C7orf78: variants seen among roughly 807,000 people sequenced by gnomAD.
The protein encoded by C7orf78 is chromosome 7 open reading frame 78.
chr7:12,511,145 G>A, the C7orf78 span, among the ~76,000 whole-genome samples: 1 of 151,792 alleles, frequency 6.6e-6, no homozygotes, highest in African/African-American at 2.4e-5. Flanking sequence ...GAGGGTTTTT[G>A]TTCCCCAATG....
At chr7:12,524,434 G>A in the C7orf78 span, among the ~76,000 whole-genome samples, 3 of 152,176 alleles carry the variant, frequency 2.0e-5, no homozygotes, top group East Asian at 5.8e-4. Flanking sequence ...AATAATATAT[G>A]TTACCTTTTA....
At chr7:12,507,055 C>T in the C7orf78 span, 1 of 389,608 alleles carries the variant, frequency 2.6e-6, no homozygotes, top group African/African-American at 2.1e-5. Context: ...AATCCCAGCA[C>T]TTTGGGAGGC....
the C7orf78 span, among the ~76,000 whole-genome samples, chr7:12,522,552 T>C: frequency 2.6e-5 from 4 of 152,176 alleles, no homozygotes; most frequent in Non-Finnish European, 4.4e-5. Context: ...CTGGAATGTT[T>C]CTACTTACCT....
the C7orf78 span, among the ~76,000 whole-genome samples, chr7:12,494,829 G>A: frequency 1.3e-5 from 2 of 152,162 alleles, no homozygotes; most frequent in East Asian, 1.9e-4. Context: ...TGGTAAGGCT[G>A]CTTTCAAACT....
the C7orf78 span, among the ~76,000 whole-genome samples, chr7:12,504,864 CA>C: frequency 6.6e-6 from 1 of 152,038 alleles, no homozygotes; most frequent in African/African-American, 2.4e-5. Context: ...GATTATATTA[CA>C]TTTTTTTATA....
the C7orf78 span, among the ~76,000 whole-genome samples, chr7:12,500,640 C>G: frequency 1.3e-5 from 2 of 152,002 alleles, no homozygotes; most frequent in Admixed American, 6.6e-5. Flanking sequence ...CAGCCGAATT[C>G]TACCAGAGGT....
chr7:12,520,448 T>G, the C7orf78 span, among the ~76,000 whole-genome samples: 3 of 152,210 alleles, frequency 2.0e-5, no homozygotes, highest in Non-Finnish European at 4.4e-5. Context: ...CCATTTTCAT[T>G]TGTTTCAATA....
At chr7:12,511,751 T>C in the C7orf78 span, among the ~76,000 whole-genome samples, 343 of 151,490 alleles carry the variant, frequency 2.3e-3, no homozygotes, top group Admixed American at 4.4e-3. Flanking sequence ...TGGGTTTTTG[T>C]TTTTTGTTTT....
the C7orf78 span, chr7:12,486,893 T>C: frequency 6.6e-6 from 1 of 151,948 alleles, no homozygotes; most frequent in Non-Finnish European, 1.5e-5. Flanking sequence ...TAAATTATTG[T>C]CAAATCAAAA....
chr7:12,527,844 G>A, the C7orf78 span, among the ~76,000 whole-genome samples: 3 of 146,850 alleles, frequency 2.0e-5, no homozygotes, highest in Admixed American at 6.8e-5. Flanking sequence ...ACTCACTTTG[G>A]TAGAAAATGC....
the C7orf78 span, among the ~76,000 whole-genome samples, chr7:12,536,992 T>G: frequency 6.6e-6 from 1 of 152,176 alleles, no homozygotes; most frequent in Non-Finnish European, 1.5e-5. Context: ...TTTGCACATT[T>G]TCCTCTCTTC....
the C7orf78 span, among the ~76,000 whole-genome samples, chr7:12,533,324 C>T: frequency 6.6e-6 from 1 of 151,970 alleles, no homozygotes; most frequent in African/African-American, 2.4e-5. Context: ...CCTCAGCCTC[C>T]TGAGTAGCTG....
At chr7:12,519,464 C>T in the C7orf78 span, among the ~76,000 whole-genome samples, 1 of 152,180 alleles carries the variant, frequency 6.6e-6, no homozygotes, top group African/African-American at 2.4e-5. Flanking sequence ...GTCACTCCTT[C>T]CAGCTCCAGT....
At chr7:12,523,438 C>T in the C7orf78 span, 1 of 397,826 alleles carries the variant, frequency 2.5e-6, no homozygotes, top group African/African-American at 2.1e-5. Context: ...TAAAAAAGAG[C>T]ATTTGAATAA....
chr7:12,484,133 C>T, the C7orf78 span: 2 of 152,086 alleles, frequency 1.3e-5, no homozygotes, highest in Non-Finnish European at 2.9e-5. Flanking sequence ...TACTTAAACA[C>T]TGTATGTTTA....
the C7orf78 span, among the ~76,000 whole-genome samples, chr7:12,484,656 A>G: frequency 6.6e-6 from 1 of 152,160 alleles, no homozygotes; most frequent in African/African-American, 2.4e-5. Context: ...TTGTGATTAC[A>G]TGCATGCTGT....
At chr7:12,535,965 C>T in the C7orf78 span, among the ~76,000 whole-genome samples, 9 of 152,222 alleles carry the variant, frequency 5.9e-5, no homozygotes, top group African/African-American at 2.2e-4. Flanking sequence ...TACAGCCTCC[C>T]ACCCAGCTGC....
chr7:12,534,655 C>A, the C7orf78 span, among the ~76,000 whole-genome samples: 4 of 151,798 alleles, frequency 2.6e-5, no homozygotes, highest in Non-Finnish European at 4.4e-5. Context: ...GCATGTAATC[C>A]AATGGAAAAT....
the C7orf78 span, among the ~76,000 whole-genome samples, chr7:12,488,854 T>C: frequency 6.6e-6 from 1 of 151,964 alleles, no homozygotes; most frequent in South Asian, 2.1e-4. Context: ...TCTTGTAAAG[T>C]ATTATTTTCA....
Sources: allele counts gnomAD v4.1 joint callset (sites outside exome capture counted in the v4.1 genomes callset), GRCh38; gene constraint gnomAD v4.1.1; transcripts MANE v1.5; gene names NCBI Gene and HGNC (gene_info 2026-07-23, HGNC 2026-07-21).